ANK3: variants seen among roughly 807,000 people sequenced by gnomAD.
The protein encoded by ANK3 is ankyrin 3.
Under a neutral mutation model 370.9 loss-of-function variants are expected in ANK3, and 57 were observed. That is an observed-to-expected ratio of 0.15 (90% CI 0.12 to 0.19). ANK3 has a LOEUF of 0.19. Among genes scored for constraint, ANK3 ranks in the 10% least tolerant of loss-of-function variants. ANK3 has a pLI of 1.00. For synonymous variants in ANK3, 1,929 were observed against 1,946.3 expected, an observed-to-expected ratio of 0.99 and a Z score of 0.23; for missense variants, 4,439 against 5,302.1, an observed-to-expected ratio of 0.84 and a Z score of 5.06.
intron 16 of ANK3, among the ~76,000 whole-genome samples, chr10:60,187,266 C>T (rs1372559403): frequency 6.6e-6 from 1 of 151,984 alleles, no homozygotes; most frequent in Non-Finnish European, 1.5e-5. Context: ...CGCCATTCTC[C>T]TGCCTCAGCC....
chr10:60,665,419 T>C (rs1588994271), intron 1 of ANK3, among the ~76,000 whole-genome samples: 1 of 152,304 alleles, frequency 6.6e-6, no homozygotes, highest in South Asian at 2.1e-4. Flanking sequence ...GGTTCTTCTT[T>C]GTGTCCTCAA....
chr10:60,189,147 C>T (rs920871476), intron 16 of ANK3, among the ~76,000 whole-genome samples: 2 of 152,218 alleles, frequency 1.3e-5, no homozygotes, highest in African/African-American at 4.8e-5. Context: ...ATCTTACTTA[C>T]TTCTAATGCC....
At chr10:60,240,418 C>T (rs2097435560) in intron 7 of ANK3, among the ~76,000 whole-genome samples, 1 of 151,284 alleles carries the variant, frequency 6.6e-6, no homozygotes, top group Non-Finnish European at 1.5e-5. Flanking sequence ...AATTCTCCTG[C>T]CTCAGCCTCC....
chr10:60,426,523 C>T (rs572341136), intron 2 of ANK3, among the ~76,000 whole-genome samples: 11 of 152,140 alleles, frequency 7.2e-5, no homozygotes, highest in Admixed American at 2.6e-4. Context: ...GGGCAGGAGA[C>T]GCAATGAGTC....
At chr10:60,671,305 G>A (rs1022402599) in intron 1 of ANK3, among the ~76,000 whole-genome samples, 7 of 151,980 alleles carry the variant, frequency 4.6e-5, no homozygotes, top group East Asian at 1.9e-4. Flanking sequence ...TCCTCCAACC[G>A]GCCAAGTGCT....
intron 2 of ANK3, among the ~76,000 whole-genome samples, chr10:60,461,762 G>A (rs190353779): frequency 6.0e-4 from 92 of 152,262 alleles, no homozygotes; most frequent in Admixed American, 1.4e-3. Flanking sequence ...GGGCAAGGTC[G>A]AAAATCACGC....
chr10:60,501,134 C>G (rs550997020), intron 2 of ANK3, among the ~76,000 whole-genome samples: 18 of 152,136 alleles, frequency 1.2e-4, no homozygotes, highest in Admixed American at 1.0e-3. Flanking sequence ...CTCTGCAAGC[C>G]CAAATCAACA....
chr10:60,376,237 G>C (rs1466056560), intron 1 of ANK3, among the ~76,000 whole-genome samples: 2 of 152,108 alleles, frequency 1.3e-5, no homozygotes, highest in Non-Finnish European at 2.9e-5. Flanking sequence ...TAAAAAACAG[G>C]CTGGATAAAG....
At chr10:60,511,821 T>C (rs1421901717) in intron 2 of ANK3, among the ~76,000 whole-genome samples, 1 of 151,740 alleles carries the variant, frequency 6.6e-6, no homozygotes, top group Non-Finnish European at 1.5e-5. Context: ...GAGGAGACTT[T>C]GCAAATTGTG....
At chr10:60,174,336 A>C (rs1315348159) in intron 18 of ANK3, among the ~76,000 whole-genome samples, 1 of 152,198 alleles carries the variant, frequency 6.6e-6, no homozygotes, top group South Asian at 2.1e-4. Context: ...AACCACATAT[A>C]GGAAACTGAC....
At chr10:60,714,809 G>A (rs539201878) in intron 1 of ANK3, among the ~76,000 whole-genome samples, 10 of 152,174 alleles carry the variant, frequency 6.6e-5, no homozygotes, top group African/African-American at 2.4e-4. Flanking sequence ...GGGCAACATG[G>A]TTGCCAGGGG....
At chr10:60,405,581 T>A (rs1025966241) in intron 2 of ANK3, among the ~76,000 whole-genome samples, 1 of 152,200 alleles carries the variant, frequency 6.6e-6, no homozygotes, top group African/African-American at 2.4e-5. Context: ...ACCAAGTATA[T>A]GCTTTTGCCA....
intron 2 of ANK3, among the ~76,000 whole-genome samples, chr10:60,544,639 G>A (rs1437244333): frequency 6.6e-6 from 1 of 152,014 alleles, no homozygotes; most frequent in Non-Finnish European, 1.5e-5. Context: ...TAAAGTGACA[G>A]ATTTAGATTT....
chr10:60,313,632 C>T (rs936195410), intron 1 of ANK3, among the ~76,000 whole-genome samples: 7 of 152,318 alleles, frequency 4.6e-5, no homozygotes, highest in East Asian at 1.9e-4. Context: ...CAACTATCAG[C>T]GCTTTCATAA....
At chr10:60,065,089 C>T (rs2081371829) in intron 38 of ANK3, among the ~76,000 whole-genome samples, 1 of 152,168 alleles carries the variant, frequency 6.6e-6, no homozygotes, top group South Asian at 2.1e-4. Context: ...ATAAACTCCA[C>T]ACAGGAGGTT....
intron 2 of ANK3, among the ~76,000 whole-genome samples, chr10:60,430,158 T>C (rs777758914): frequency 6.6e-6 from 1 of 152,202 alleles, no homozygotes; most frequent in Non-Finnish European, 1.5e-5. Context: ...TGCATTTAAC[T>C]AGCACCAGTG....
At chr10:60,138,220 G>C (rs1331672365) in intron 24 of ANK3, among the ~76,000 whole-genome samples, 1 of 152,092 alleles carries the variant, frequency 6.6e-6, no homozygotes, top group African/African-American at 2.4e-5. Flanking sequence ...ATGTCCTCAG[G>C]GCTCTGGCTT....
chr10:60,140,957 A>C, intron 23 of ANK3: 1 of 985,648 alleles, frequency 1.0e-6, no homozygotes, highest in Non-Finnish European at 1.2e-6. Context: ...AAAACAAAGC[A>C]GTGGCCCAGG....
At chr10:60,325,080 T>A (rs984823626) in intron 1 of ANK3, among the ~76,000 whole-genome samples, 1 of 152,236 alleles carries the variant, frequency 6.6e-6, no homozygotes, top group Non-Finnish European at 1.5e-5. Context: ...TGAACCAAGC[T>A]AGGCTAATCA....
Sources: gnomAD v4.1 joint callset for allele counts (sites outside exome capture counted in the v4.1 genomes callset) on GRCh38, gnomAD v4.1.1 for gene constraint, MANE v1.5 for transcripts, NCBI Gene and HGNC (gene_info 2026-07-23, HGNC 2026-07-21) for gene names.